STARD13: variants seen among roughly 807,000 people sequenced by gnomAD.
STARD13 encodes StAR related lipid transfer domain containing 13.
STARD13 carries 62 observed loss-of-function variants against 106.4 expected under a neutral mutation model. The ratio of observed to expected loss-of-function variants is 0.58; its 90% confidence interval spans 0.48 to 0.72. The LOEUF (loss-of-function observed/expected upper bound fraction) is 0.72, where lower values mean the gene tolerates loss of function less well. Ranked by LOEUF, STARD13 falls within the 30% of genes least tolerant of loss-of-function variation. The pLI, the probability that STARD13 is intolerant of heterozygous loss-of-function variation, is 0.00. For synonymous variants in STARD13, 565 were observed against 553.0 expected (o/e 1.02, Z -0.31); for missense variants, 1,387 against 1,424.0 (o/e 0.97, Z 0.42).
the STARD13 span, among the ~76,000 whole-genome samples, chr13:33,515,077 G>C: frequency 4.9e-3 from 741 of 152,248 alleles, 7 homozygotes; most frequent in African/African-American, 0.017. Context: ...CTAGAGGCTG[G>C]ATGTGTTAAA....
At chr13:33,356,932 A>G in the STARD13 span, among the ~76,000 whole-genome samples, 1 of 152,220 alleles carries the variant, frequency 6.6e-6, no homozygotes, top group African/African-American at 2.4e-5. Context: ...ATCCCTAAAC[A>G]TAGACTTCCT....
chr13:33,647,038 G>A, the STARD13 span, among the ~76,000 whole-genome samples: 10 of 152,034 alleles, frequency 6.6e-5, no homozygotes, highest in Non-Finnish European at 1.2e-4. Context: ...AATTTAAAAG[G>A]AAATGTTCCT....
the STARD13 span, among the ~76,000 whole-genome samples, chr13:33,668,930 A>G: frequency 6.6e-6 from 1 of 152,256 alleles, no homozygotes; most frequent in Non-Finnish European, 1.5e-5. Flanking sequence ...AGTTTACCAC[A>G]TATTGTTTTA....
the STARD13 span, among the ~76,000 whole-genome samples, chr13:33,454,597 G>A: frequency 2.0e-5 from 3 of 152,134 alleles, no homozygotes; most frequent in Non-Finnish European, 2.9e-5. Context: ...TCTTTCTTAC[G>A]ACCTGAGGCT....
At chr13:33,341,448 C>T (rs1335923582) in intron 1 of STARD13, among the ~76,000 whole-genome samples, 1 of 152,024 alleles carries the variant, frequency 6.6e-6, no homozygotes, top group African/African-American at 2.4e-5. Flanking sequence ...ACCAACCTCG[C>T]TAACATGGTG....
At chr13:33,575,469 CA>C in the STARD13 span, among the ~76,000 whole-genome samples, 2 of 152,224 alleles carry the variant, frequency 1.3e-5, no homozygotes, top group East Asian at 1.9e-4. Flanking sequence ...TGGTTGTTTT[CA>C]CCAAAACTCA....
chr13:33,431,142 C>T, the STARD13 span, among the ~76,000 whole-genome samples: 3 of 152,062 alleles, frequency 2.0e-5, no homozygotes, highest in African/African-American at 7.2e-5. Flanking sequence ...TTGTTCTTTA[C>T]AAATTATATG....
At chr13:33,294,102 C>A (rs1892397272) in intron 1 of STARD13, among the ~76,000 whole-genome samples, 1 of 152,176 alleles carries the variant, frequency 6.6e-6, no homozygotes, top group South Asian at 2.1e-4. Context: ...GATGAGCAAA[C>A]CTCTTGCTCC....
At chr13:33,460,125 A>AT in the STARD13 span, among the ~76,000 whole-genome samples, 1 of 151,822 alleles carries the variant, frequency 6.6e-6, no homozygotes, top group Non-Finnish European at 1.5e-5. Context: ...GTCTTCAACT[A>AT]TTTTTTTCTG....
At chr13:33,342,440 T>C (rs1457496234) in intron 1 of STARD13, among the ~76,000 whole-genome samples, 1 of 152,198 alleles carries the variant, frequency 6.6e-6, no homozygotes. Context: ...TTGAGAAGTA[T>C]TTTCCTTAAA....
chr13:33,536,486 T>C, the STARD13 span, among the ~76,000 whole-genome samples: 71 of 152,330 alleles, frequency 4.7e-4, no homozygotes, highest in Middle Eastern at 6.8e-3. Flanking sequence ...AATCTGAGAA[T>C]GTTGTAATAT....
At chr13:33,403,345 TTG>T in the STARD13 span, among the ~76,000 whole-genome samples, 1 of 152,264 alleles carries the variant, frequency 6.6e-6, no homozygotes, top group Non-Finnish European at 1.5e-5. Flanking sequence ...CAGAGTTTGT[TTG>T]TGTTTACACT....
chr13:33,648,272 T>C, the STARD13 span, among the ~76,000 whole-genome samples: 14 of 152,274 alleles, frequency 9.2e-5, no homozygotes, highest in African/African-American at 3.1e-4. Context: ...CTCAGAGAAA[T>C]TAATTGACTT....
the STARD13 span, among the ~76,000 whole-genome samples, chr13:33,587,041 C>T: frequency 1.3e-5 from 2 of 152,088 alleles, no homozygotes; most frequent in East Asian, 1.9e-4. Context: ...TGGTGAAACC[C>T]CGTCTTACTA....
chr13:33,196,605 G>A (rs186566911), intron 1 of STARD13, among the ~76,000 whole-genome samples: 19 of 152,254 alleles, frequency 1.2e-4, no homozygotes, highest in East Asian at 3.9e-4. Context: ...CATGATGTGC[G>A]GCAGCCGACA....
chr13:33,380,015 G>T, the STARD13 span, among the ~76,000 whole-genome samples: 1 of 129,136 alleles, frequency 7.7e-6, no homozygotes, highest in East Asian at 2.0e-4. Flanking sequence ...ATACTCTTGC[G>T]ATAAAATAAA....
the STARD13 span, among the ~76,000 whole-genome samples, chr13:33,356,914 T>C: frequency 6.6e-6 from 1 of 152,214 alleles, no homozygotes; most frequent in African/African-American, 2.4e-5. Context: ...AGATAGAAGC[T>C]ATTTAATATC....
chr13:33,577,878 T>G, the STARD13 span, among the ~76,000 whole-genome samples: 1 of 152,052 alleles, frequency 6.6e-6, no homozygotes, highest in African/African-American at 2.4e-5. Context: ...CATTAAAAAT[T>G]CAAAACTTCT....
At chr13:33,646,532 A>G in the STARD13 span, among the ~76,000 whole-genome samples, 1 of 152,220 alleles carries the variant, frequency 6.6e-6, no homozygotes, top group Admixed American at 6.5e-5. Context: ...GACCTCAGCA[A>G]TAGGAAAAGT....
Sources: allele counts gnomAD v4.1 joint callset (sites outside exome capture counted in the v4.1 genomes callset), GRCh38; gene constraint gnomAD v4.1.1; transcripts MANE v1.5; gene names NCBI Gene and HGNC (gene_info 2026-07-23, HGNC 2026-07-21).